Variants in CNTNAP2 observed in about 807,000 individuals in gnomAD.
CNTNAP2 encodes the protein contactin associated protein 2.
In CNTNAP2, 98 loss-of-function variants were observed where a neutral mutation model predicts 155.2. That is an observed-to-expected ratio of 0.63 (90% confidence interval 0.54 to 0.75). CNTNAP2 has a LOEUF of 0.75. Among genes scored for constraint, CNTNAP2 ranks in the 30% least tolerant of loss-of-function variants. The probability of loss-of-function intolerance (pLI) is 0.00; values close to 1 mark genes in which losing one functional copy is unlikely to be tolerated. For synonymous variants in CNTNAP2, 651 were observed against 631.2 expected (o/e 1.03, Z -0.47); for missense variants, 1,727 against 1,688.1 (o/e 1.02, Z -0.40).
chr7:147,141,387 G>A (rs1801594153), intron 8 of CNTNAP2, among the ~76,000 whole-genome samples: 1 of 152,078 alleles, frequency 6.6e-6, no homozygotes, highest in South Asian at 2.1e-4. Flanking sequence ...GGCGTTATGA[G>A]CATGGACTCT....
At chr7:146,892,220 C>A (rs1795792866) in intron 3 of CNTNAP2, among the ~76,000 whole-genome samples, 1 of 152,134 alleles carries the variant, frequency 6.6e-6, no homozygotes, top group African/African-American at 2.4e-5. Context: ...CATCTGGGGC[C>A]TTACTTTCTC....
At chr7:147,978,323 T>C in intron 15 of CNTNAP2, 1 of 359,956 alleles carries the variant, frequency 2.8e-6, no homozygotes, top group South Asian at 2.4e-5. Flanking sequence ...CTGCTGTTAA[T>C]GCCATTAGGA....
At chr7:146,705,303 G>T (rs1205354098) in intron 1 of CNTNAP2, among the ~76,000 whole-genome samples, 1 of 152,104 alleles carries the variant, frequency 6.6e-6, no homozygotes, top group Non-Finnish European at 1.5e-5. Context: ...TCACAATCCT[G>T]ATAGGTGAGA....
At position 146,304,953 on chromosome 7, in the gene CNTNAP2, A is replaced by T. The variant is rs182086735; in HGVS notation, c.97+187980A>T. 7.9e-5 allele frequency among the ~76,000 whole-genome samples: 12 copies of T among 152,208 alleles called. No homozygotes were observed. The East Asian group carries it at 2.3e-3, about 29-fold the overall frequency. ...TTTCACATACTTCCATATTTCTTGG[A>T]GGCTTTGTTCATTTCTTTTTACTCT... On this transcript the variant is annotated intron_variant, in intron 1 of 23. Coordinates refer to ENST00000361727, the MANE Select transcript of CNTNAP2 (RefSeq NM_014141.6).
intron 11 of CNTNAP2, among the ~76,000 whole-genome samples, chr7:147,525,460 C>G (rs1799301858): frequency 6.6e-6 from 1 of 152,116 alleles, no homozygotes; most frequent in South Asian, 2.1e-4. Context: ...AAATCATATT[C>G]TAAGTGGATA....
intron 19 of CNTNAP2, among the ~76,000 whole-genome samples, chr7:148,226,007 T>C (rs1795841520): frequency 6.6e-6 from 1 of 152,174 alleles, no homozygotes; most frequent in South Asian, 2.1e-4. Flanking sequence ...GTAGACAGTT[T>C]GTGAAAGAGT....
At chr7:146,193,155 T>A (rs34181509) in intron 1 of CNTNAP2, among the ~76,000 whole-genome samples, 2 of 152,140 alleles carry the variant, frequency 1.3e-5, no homozygotes, top group Non-Finnish European at 2.9e-5. Context: ...TTTCATGGGC[T>A]GGCATTGAGT....
In CNTNAP2 at chr7:146,411,609, T is replaced by G. The variant is rs1389594571; in HGVS notation, c.97+294636T>G. 2.0e-5 allele frequency among the ~76,000 whole-genome samples: 3 copies of G among 152,146 alleles called. No individual in the cohort carries two copies. In the East Asian group the frequency reaches 5.8e-4, roughly 29 times the overall value. The stretch of plus-strand genomic sequence containing the variant: ...TTGTACGCCATAAATATGTATAATT[T>G]TATCAGGCATTTAAAAATTATTAAT... On this transcript the variant is annotated intron_variant, in intron 1 of 23. Coordinates refer to ENST00000361727, the MANE Select transcript of CNTNAP2 (RefSeq NM_014141.6).
At chr7:147,830,304 G>C (rs925271082) in intron 13 of CNTNAP2, among the ~76,000 whole-genome samples, 1 of 152,004 alleles carries the variant, frequency 6.6e-6, no homozygotes, top group Non-Finnish European at 1.5e-5. Flanking sequence ...TCTGTTCATA[G>C]ATGGCTCTTT....
chr7:146,967,768 A>G (rs1482494450), intron 3 of CNTNAP2, among the ~76,000 whole-genome samples: 17 of 151,782 alleles, frequency 1.1e-4, no homozygotes, highest in South Asian at 4.2e-4. Flanking sequence ...GGGACAATTT[A>G]ACTTCCTCTT....
chr7:146,957,496 T>C (rs1463878556), intron 3 of CNTNAP2, among the ~76,000 whole-genome samples: 2 of 152,188 alleles, frequency 1.3e-5, no homozygotes, highest in Non-Finnish European at 2.9e-5. Context: ...CAATTAAGTT[T>C]TAAAAACATG....
At chr7:148,401,262 G>A (rs2116699369) in intron 22 of CNTNAP2, among the ~76,000 whole-genome samples, 1 of 152,258 alleles carries the variant, frequency 6.6e-6, no homozygotes, top group South Asian at 2.1e-4. Flanking sequence ...CGTCCTCGTA[G>A]CAGCGACTCT....
intron 13 of CNTNAP2, among the ~76,000 whole-genome samples, chr7:147,666,224 C>A (rs1237435363): frequency 6.6e-6 from 1 of 152,176 alleles, no homozygotes; most frequent in Non-Finnish European, 1.5e-5. Flanking sequence ...GTCGGTTAGA[C>A]CTTTCCTTTG....
At chr7:146,123,125 C>T (rs536425709) in intron 1 of CNTNAP2, among the ~76,000 whole-genome samples, 34 of 152,180 alleles carry the variant, frequency 2.2e-4, no homozygotes, top group African/African-American at 7.5e-4. Context: ...TGGTTGTTGG[C>T]TCTGAATTTG....
chr7:147,404,647 T>C (rs1274833626), intron 10 of CNTNAP2, among the ~76,000 whole-genome samples: 1 of 152,200 alleles, frequency 6.6e-6, no homozygotes, highest in South Asian at 2.1e-4. Context: ...ATTTAAACTT[T>C]ATTGGCCTTC....
chr7:146,678,866 TTATAA>T (rs1368445329), intron 1 of CNTNAP2, among the ~76,000 whole-genome samples: 4 of 152,212 alleles, frequency 2.6e-5, no homozygotes, highest in Non-Finnish European at 5.9e-5. Flanking sequence ...ATTCTAATAC[TTATAA>T]TAAATAATTT....
chr7:146,945,079 A>G (rs569829104), intron 3 of CNTNAP2, among the ~76,000 whole-genome samples: 2 of 152,290 alleles, frequency 1.3e-5, no homozygotes, highest in Non-Finnish European at 1.5e-5. Flanking sequence ...AGCATTCTGT[A>G]TAGTCTCACT....
intron 8 of CNTNAP2, among the ~76,000 whole-genome samples, chr7:147,252,167 G>T (rs1804213516): frequency 6.6e-6 from 1 of 152,130 alleles, no homozygotes; most frequent in Non-Finnish European, 1.5e-5. Flanking sequence ...GAAACATTTG[G>T]GTGAGGGGTG....
chr7:147,487,575 G>T (rs1798532155), intron 11 of CNTNAP2, among the ~76,000 whole-genome samples: 1 of 152,074 alleles, frequency 6.6e-6, no homozygotes, highest in South Asian at 2.1e-4. Context: ...CTAACCAATG[G>T]TCAAGAGCAA....
Sources: allele counts gnomAD v4.1 joint callset (sites outside exome capture counted in the v4.1 genomes callset), GRCh38; gene constraint gnomAD v4.1.1; transcripts MANE v1.5; gene names NCBI Gene and HGNC (gene_info 2026-07-23, HGNC 2026-07-21).